Variants in SUPT3H observed in about 807,000 individuals in gnomAD.
The protein encoded by SUPT3H is SPT3 homolog, SAGA and STAGA complex component.
SUPT3H carries 44 observed loss-of-function variants against 44.3 expected under a neutral mutation model. The observed-to-expected ratio is 0.99, with a 90% CI of 0.78 to 1.28. The LOEUF (loss-of-function observed/expected upper bound fraction) is 1.28, where lower values mean the gene tolerates loss of function less well. SUPT3H is among the 50% of genes most tolerant of loss of function. SUPT3H has a pLI of 0.00. For missense variants in SUPT3H, 380 were observed against 387.1 expected (o/e 0.98, Z 0.15); for synonymous variants, 124 against 125.6 (o/e 0.99, Z 0.09).
chr6:45,328,671 CA>C, intron 2 of SUPT3H: 2 of 1,611,290 alleles, frequency 1.2e-6, no homozygotes, highest in Non-Finnish European at 1.7e-6. Context: ...TTTAAGGCTG[CA>C]AGCAGTATTT....
downstream of SUPT3H, chr6:44,809,213 A>G (rs1472955624): frequency 6.6e-6 from 1 of 152,200 alleles, no homozygotes; most frequent in Non-Finnish European, 1.5e-5. Flanking sequence ...AGAGCTGAAA[A>G]CGCTTTGATA....
intron 9 of SUPT3H, among the ~76,000 whole-genome samples, chr6:44,947,436 TA>T (rs2153470840): frequency 6.6e-6 from 1 of 152,268 alleles, no homozygotes; most frequent in East Asian, 1.9e-4. Flanking sequence ...TTCATAAATA[TA>T]AAAAAGAGAG....
chr6:45,143,992 C>G lies in SUPT3H; in HGVS notation c.102-37986G>C, dbSNP rs182283015. ...AATTTACAACTGTCCCAGATTGAAT[C>G]AGGAAGAAACAGAAACTCTGAACAG... is the stretch of plus-strand genomic sequence containing the variant. On this transcript the variant is annotated intron_variant, in intron 2 of 10. Transcript: ENST00000371459. Among the ~76,000 whole-genome samples, 5 of 152,100 alleles carry G rather than the reference C, an allele frequency of 3.3e-5. No homozygotes were observed. In the East Asian group the frequency reaches 9.7e-4, roughly 29 times the overall value.
At position 45,150,815 on chromosome 6, in the gene SUPT3H, C is replaced by T. The variant is rs1400516070; in HGVS notation, c.102-44809G>A. 5.3e-5 allele frequency among the ~76,000 whole-genome samples: 8 copies of T among 150,440 alleles called. No individual in the cohort carries two copies. In the Admixed American group the frequency reaches 5.3e-4, roughly 10 times the overall value. On this transcript the variant is annotated intron_variant, in intron 2 of 10. Transcript: ENST00000371459. ...TCGGCTCACTGCAACCTCCGCCTGC[C>T]ATGTTCAAGCAATTTTCCTGCCTCA...
At chr6:45,019,694 CT>C (rs1188916884) in intron 4 of SUPT3H, among the ~76,000 whole-genome samples, 1 of 151,938 alleles carries the variant, frequency 6.6e-6, no homozygotes, top group Non-Finnish European at 1.5e-5. Flanking sequence ...CATCTGGCGC[CT>C]TGTACCTAAG....
intron 10 of SUPT3H, among the ~76,000 whole-genome samples, chr6:44,882,827 A>C (rs543639483): frequency 6.6e-6 from 1 of 152,334 alleles, no homozygotes; most frequent in African/African-American, 2.4e-5. Context: ...CTTCGATAAA[A>C]TTCAACACTC....
intron 10 of SUPT3H, among the ~76,000 whole-genome samples, chr6:44,907,081 T>A (rs1487169323): frequency 6.6e-6 from 1 of 152,232 alleles, no homozygotes; most frequent in African/African-American, 2.4e-5. Context: ...GTTATGTTTC[T>A]CAAATTAGAA....
At chr6:45,010,171 T>C (rs1783278691) in intron 5 of SUPT3H, among the ~76,000 whole-genome samples, 1 of 152,170 alleles carries the variant, frequency 6.6e-6, no homozygotes, top group Non-Finnish European at 1.5e-5. Context: ...TGCTTGATTT[T>C]TGCATATTTC....
At chr6:45,268,625 C>T (rs560666770) in intron 2 of SUPT3H, among the ~76,000 whole-genome samples, 25 of 152,192 alleles carry the variant, frequency 1.6e-4, no homozygotes, top group African/African-American at 6.0e-4. Flanking sequence ...AAGTAAACTA[C>T]AGCAGAGGCA....
intron 10 of SUPT3H, among the ~76,000 whole-genome samples, chr6:44,913,760 T>C (rs779097090): frequency 2.0e-5 from 3 of 152,216 alleles, no homozygotes; most frequent in Non-Finnish European, 4.4e-5. Context: ...TTACTGTCCA[T>C]ATTATTCTGC....
intron 2 of SUPT3H, among the ~76,000 whole-genome samples, chr6:45,176,895 C>T (rs1186780359): frequency 2.5e-5 from 3 of 120,572 alleles, no homozygotes; most frequent in African/African-American, 1.1e-4. Context: ...ACAGAAGGGA[C>T]ATCCACACCA....
chr6:44,927,278 GA>G lies in SUPT3H; in HGVS notation c.912+5374del, dbSNP rs200080411. ...TATATACAAAGAAAAAGGGCAGGAT[GA>G]AAAGGTAGTGATATATTAACAGTAG... On this transcript the variant is annotated intron_variant, in intron 10 of 10. Coordinates refer to ENST00000371459, the MANE Select transcript of SUPT3H (RefSeq NM_003599.4). Among the ~76,000 whole-genome samples the G allele has an allele frequency of 2.2e-4, 33 of 152,180 alleles. No homozygotes were observed. The East Asian group carries it at 5.6e-3, about 26-fold the overall frequency.
intron 10 of SUPT3H, among the ~76,000 whole-genome samples, chr6:44,894,731 T>C (rs1039051365): frequency 3.3e-5 from 5 of 151,900 alleles, no homozygotes; most frequent in Admixed American, 3.3e-4. Flanking sequence ...TAGTCTAATT[T>C]AGCAAAGTAT....
chr6:44,928,048 C>G (rs1344994203), intron 10 of SUPT3H, among the ~76,000 whole-genome samples: 1 of 152,076 alleles, frequency 6.6e-6, no homozygotes, highest in Non-Finnish European at 1.5e-5. Flanking sequence ...GAAGTATAAT[C>G]TAATATCCTC....
intron 2 of SUPT3H, among the ~76,000 whole-genome samples, chr6:45,291,760 C>T (rs749384427): frequency 6.6e-5 from 10 of 152,042 alleles, no homozygotes; most frequent in Non-Finnish European, 1.2e-4. Flanking sequence ...TCAGAAAATA[C>T]GAACAAAGGC....
At chr6:44,895,944 C>A (rs1317991632) in intron 10 of SUPT3H, among the ~76,000 whole-genome samples, 2 of 151,898 alleles carry the variant, frequency 1.3e-5, no homozygotes, top group African/African-American at 4.8e-5. Flanking sequence ...TTCTCTTCTA[C>A]CTTCCTAGGT....
At chr6:45,097,375 C>T (rs1797935577) in intron 3 of SUPT3H, 2 of 152,136 alleles carry the variant, frequency 1.3e-5, no homozygotes, top group Non-Finnish European at 2.9e-5. Flanking sequence ...GAAGTCCGTG[C>T]CCTGAAGGAG....
chr6:45,014,890 T>C lies in SUPT3H; in HGVS notation c.275A>G (p.Lys92Arg). ...DLLFLMRKDK[K>R]KLRRLLKYMF... ...GTATTTTAGCAGTCTTCTAAGTTTT[T>C]TCTATTAAAAATATAAAATAAGTAA... Residue 92 changes from lysine (K) to arginine (R), a missense_variant and splice_region_variant, in exon 5 of 11, where the codon AAA becomes AGA. By Grantham distance (26) the Lys-to-Arg change is conservative. Transcript: ENST00000371459. 6.6e-7 allele frequency: 1 copy of C among 1,525,608 alleles called. No individual in the cohort carries two copies. The highest frequency in any genetic ancestry group is 1.3e-5 in the South Asian group (1 of 76,818). The allele number at this position is 1,525,608 out of a possible 1,614,324, so 94.5% of individuals were successfully genotyped here.
At chr6:45,008,723 T>G in intron 5 of SUPT3H, among the ~76,000 whole-genome samples, 1 of 152,060 alleles carries the variant, frequency 6.6e-6, no homozygotes, top group Non-Finnish European at 1.5e-5. Flanking sequence ...GGTTTTGATT[T>G]GCATTTCTCT....
Sources: gnomAD v4.1 joint callset for allele counts (sites outside exome capture counted in the v4.1 genomes callset) on GRCh38, gnomAD v4.1.1 for gene constraint, MANE v1.5 for transcripts, NCBI Gene and HGNC (gene_info 2026-07-23, HGNC 2026-07-21) for gene names.